VASN: variants seen among roughly 807,000 people sequenced by gnomAD.
VASN encodes the protein vasorin, also known as protein slit-like 2.
In VASN, 5 loss-of-function variants were observed where a neutral mutation model predicts 4.8. The ratio of observed to expected loss-of-function variants is 1.03; its 90% CI spans 0.54 to 2.17. VASN has a LOEUF of 2.17. Among genes scored for constraint, VASN ranks in the 30% most tolerant of loss-of-function variants. The probability of loss-of-function intolerance (pLI) is 0.01; values close to 1 mark genes in which losing one functional copy is unlikely to be tolerated. For synonymous variants in VASN, 499 were observed against 460.8 expected (o/e 1.08, Z -1.06); for missense variants, 927 against 948.8 (o/e 0.98, Z 0.30).
intron 1 of VASN, among the ~76,000 whole-genome samples, chr16:4,378,040 C>T (rs1037638357): frequency 1.3e-5 from 2 of 152,178 alleles, no homozygotes; most frequent in South Asian, 2.1e-4. Context: ...CAACAGATTA[C>T]GGAGCCCAGA....
intron 1 of VASN, among the ~76,000 whole-genome samples, chr16:4,377,779 T>C (rs1392054392): frequency 1.3e-5 from 2 of 152,086 alleles, no homozygotes; most frequent in African/African-American, 4.8e-5. Context: ...CCTCCTCCCT[T>C]TGATGTGGGG....
At chr16:4,375,678 C>T (rs541129288) in intron 1 of VASN, among the ~76,000 whole-genome samples, 10 of 152,264 alleles carry the variant, frequency 6.6e-5, no homozygotes, top group African/African-American at 1.9e-4. Context: ...TTAGTAGAGA[C>T]GGGGTTTCAC....
chr16:4,383,170 C>T lies in VASN; in HGVS notation c.*271C>T, dbSNP rs546576737. The T allele has an allele frequency of 2.4e-6, 1 of 423,018 alleles. No homozygotes were observed. Among genetic ancestry groups the T allele is most frequent in the African/African-American group, 2.1e-5 (1 of 48,338 alleles). The allele number at this position is 423,018 out of a possible 1,614,324, so 26.2% of individuals were successfully genotyped here. A position where few individuals can be genotyped will look rare whatever the true frequency, so the allele number is the denominator to read the frequency against. On this transcript the variant is annotated 3_prime_UTR_variant, in exon 2 of 2. Coordinates refer to ENST00000304735, the MANE Select transcript of VASN (RefSeq NM_138440.3). ...CCCTCCGCAACGTGCAGTCCCTGGG[C>T]ACGGCGGGCCCTGCCATGTGCTGGT...
intron 1 of VASN, among the ~76,000 whole-genome samples, chr16:4,376,914 C>T (rs1178474300): frequency 1.3e-5 from 2 of 152,216 alleles, no homozygotes; most frequent in African/African-American, 4.8e-5. Flanking sequence ...GTAGTACCCA[C>T]GCCCAGGGGG....
At chr16:4,375,465 G>C (rs553216334) in intron 1 of VASN, among the ~76,000 whole-genome samples, 312 of 152,284 alleles carry the variant, frequency 2.0e-3, no homozygotes, top group Non-Finnish European at 3.5e-3. Context: ...CCAAAATACA[G>C]CTCTGCCTGG....
At chr16:4,380,687 G>A (rs918877576) in intron 1 of VASN, among the ~76,000 whole-genome samples, 182 bp from the exon 2 acceptor site, 3 of 152,256 alleles carry the variant, frequency 2.0e-5, no homozygotes, top group African/African-American at 4.8e-5. Flanking sequence ...AGGTCACACA[G>A]TGAGGGAGTG....
chr16:4,375,180 T>C (rs1027009661), intron 1 of VASN, among the ~76,000 whole-genome samples: 1 of 152,210 alleles, frequency 6.6e-6, no homozygotes, highest in Non-Finnish European at 1.5e-5. Flanking sequence ...CTGGTCTCCC[T>C]GCCCTGGGCT....
rs569055634 is a variant in VASN, at chr16:4,374,214, C to G, written c.-10+2221C>G. 6.6e-5 allele frequency among the ~76,000 whole-genome samples: 10 copies of G among 152,118 alleles called. No individual in the cohort carries two copies. In the South Asian group the frequency reaches 2.1e-3, roughly 32 times the overall value. ...GGGTGGGTGGGGGTGTTTGGGGGAG[C>G]CTGCTTGCACCAGGAGGGGCAGGGC... is the stretch of plus-strand genomic sequence containing the variant. On this transcript the variant is annotated intron_variant, in intron 1 of 1. Transcript: ENST00000304735.
At position 4,376,992 on chromosome 16, in the gene VASN, C is replaced by A. The variant is rs186332696; in HGVS notation, c.-9-3877C>A. 7.2e-4 allele frequency among the ~76,000 whole-genome samples: 109 copies of A among 152,328 alleles called. 1 individual carries two copies. The East Asian group carries it at 0.02, about 28-fold the overall frequency. On this transcript the variant is annotated intron_variant, in intron 1 of 1. Transcript: ENST00000304735. ...ATGTTTACCGACCACTTGGCAAGTG[C>A]TCCGAGCACAGACCAAGTCACCCCA...
rs1393622891 is a variant in VASN at position 4,382,346 on chromosome 16, A to G, written c.1469A>G (p.Gln490Arg). ...LQRYLQGSSV[Q>R]LRSLRLTYRN... ...CGCTACCTCCAGGGGAGCTCCGTGC[A>G]GCTCAGGAGCCTCCGTCTCACCTAT... The change falls in exon 2 of 2, where the codon CAG (glutamine) becomes CGG (arginine). Residue 490 changes from glutamine to arginine, a missense_variant. Coordinates refer to ENST00000304735, the MANE Select transcript of VASN (RefSeq NM_138440.3). 2.5e-6 allele frequency: 4 copies of G among 1,611,732 alleles called. No homozygotes were observed. The South Asian group carries it at 4.4e-5, about 18-fold the overall frequency.
chr16:4,381,399 G>A lies in VASN; in HGVS notation c.522G>A (p.Leu174=), dbSNP rs1214115940. Residue 174 remains leucine (L), a synonymous_variant, in exon 2 of 2, where the codon CTG becomes CTA. Transcript: ENST00000304735. ...PPLRLPRLLL[L]DLSHNSLLAL... is the part of the protein sequence containing the mutation. ...TGCGCCTGCCCCGCCTGCTGCTGCT[G>A]GACCTCAGCCACAACAGCCTCCTGG... The A allele has an allele frequency of 6.3e-7, 1 of 1,587,582 alleles. No individual in the cohort carries two copies.
At position 4,381,854 on chromosome 16, in the gene VASN, C is replaced by T. The variant is rs772753093; in HGVS notation, c.977C>T (p.Thr326Met). The T allele has an allele frequency of 1.6e-5, 25 of 1,602,182 alleles. No individual in the cohort carries two copies. Among genetic ancestry groups the T allele is most frequent in the African/African-American group, 9.3e-5 (7 of 74,914 alleles). ...GTCACACTGGCCAGCCCTGAGGAGACGCGCTGCCACTTCCCGCCCAAGAAC... is the reference window on the plus strand; with the variant it reads ...GTCACACTGGCCAGCCCTGAGGAGATGCGCTGCCACTTCCCGCCCAAGAAC... ...SHVTLASPEETRCHFPPKNAG... is the reference protein window; with the variant it reads ...SHVTLASPEEMRCHFPPKNAG... The change falls in exon 2 of 2, where the codon ACG becomes ATG. Residue 326 changes from threonine (T) to methionine (M), a missense_variant. By Grantham distance (81) the Thr-to-Met change is moderately conservative. Transcript: ENST00000304735.
At chr16:4,376,023 G>C (rs1036540382) in intron 1 of VASN, among the ~76,000 whole-genome samples, 1 of 152,220 alleles carries the variant, frequency 6.6e-6, no homozygotes, top group African/African-American at 2.4e-5. Flanking sequence ...TTGGGGTGGT[G>C]GATGGAGTAA....
rs2054936437 is a variant in VASN at position 4,381,017 on chromosome 16, C to T, written c.140C>T (p.Pro47Leu). Residue 47 changes from proline (P) to leucine (L), a missense_variant, in exon 2 of 2, where the codon CCC (proline) becomes CTC (leucine). Transcript: ENST00000304735. ...FCTARQGTTV[P>L]RDVPPDTVGL... ...ACTGCCCGCCAGGGGACCACGGTGC[C>T]CCGAGACGTGCCACCCGACACGGTG... 1.7e-5 allele frequency: 28 copies of T among 1,609,588 alleles called. No individual in the cohort carries two copies. The highest frequency in any genetic ancestry group is 2.4e-5 in the Non-Finnish European group (28 of 1,178,894).
chr16:4,378,530 G>A (rs549287352), intron 1 of VASN, among the ~76,000 whole-genome samples: 4 of 152,278 alleles, frequency 2.6e-5, no homozygotes, highest in Admixed American at 1.3e-4. Flanking sequence ...CGCACCCGCC[G>A]TCCTCTGAGT....
Position 4,381,767 on chromosome 16 carries a change from G to C in VASN, c.890G>C (p.Arg297Pro). Residue 297 changes from arginine to proline, a missense_variant, in exon 2 of 2, where the codon CGC (arginine) becomes CCC (proline). Coordinates refer to ENST00000304735, the MANE Select transcript of VASN (RefSeq NM_138440.3). ...CGCCTGCGGCTGCTGGCAGCTGCCC[G>C]CAACCCCTTCAACTGCGTGTGCCCC... ...FPRLRLLAAA[R>P]NPFNCVCPLS... 1 of 1,601,686 alleles carries C rather than the reference G, an allele frequency of 6.2e-7. No individual in the cohort carries two copies. The highest frequency in any genetic ancestry group is 8.5e-7 in the Non-Finnish European group (1 of 1,179,288).
chr16:4,382,674 G>A lies in VASN; in HGVS notation c.1797G>A (p.Val599=). 5 of 1,547,186 alleles carry A rather than the reference G, an allele frequency of 3.2e-6. No individual in the cohort carries two copies. Among genetic ancestry groups the A allele is most frequent in the Non-Finnish European group, 4.4e-6 (5 of 1,147,712 alleles). ...ALAAVGAAYC[V]RRGRAMAAAA... ...CTGCGGTGGGGGCAGCCTACTGTGT[G>A]CGGCGGGGGCGGGCCATGGCAGCAG... Residue 599 remains valine, a synonymous_variant, in exon 2 of 2, where the codon GTG becomes GTA. Transcript: ENST00000304735.
chr16:4,382,762 G>C lies in VASN; in HGVS notation c.1885G>C (p.Val629Leu). 1 of 1,564,114 alleles carries C rather than the reference G, an allele frequency of 6.4e-7. No individual in the cohort carries two copies. The highest frequency in any genetic ancestry group is 8.7e-7 in the Non-Finnish European group (1 of 1,155,140). The change falls in exon 2 of 2, where the codon GTC (valine) becomes CTC (leucine). Residue 629 changes from valine to leucine, a missense_variant. Transcript: ENST00000304735. Reference sequence around the variant, plus strand: ...GCCCCTGGAACTGGAGGGAGTGAAGGTCCCCTTGGAGCCAGGCCCGAAGGC... The same window carrying C: ...GCCCCTGGAACTGGAGGGAGTGAAGCTCCCCTTGGAGCCAGGCCCGAAGGC... ...AGPLELEGVK[V>L]PLEPGPKATE...
chr16:4,378,287 C>T (rs1349567597), intron 1 of VASN, among the ~76,000 whole-genome samples: 3 of 151,972 alleles, frequency 2.0e-5, no homozygotes, highest in South Asian at 2.1e-4. Context: ...CTGGAGTGAG[C>T]GCTCTTAACT....
Sources: gnomAD v4.1 joint callset for allele counts (sites outside exome capture counted in the v4.1 genomes callset) on GRCh38, gnomAD v4.1.1 for gene constraint, MANE v1.5 for transcripts, NCBI Gene and HGNC (gene_info 2026-07-23, HGNC 2026-07-21) for gene names.